Variants in C8orf34 observed in about 807,000 individuals in gnomAD.
The protein encoded by C8orf34 is chromosome 8 open reading frame 34.
Under a neutral mutation model 68.3 loss-of-function variants are expected in C8orf34, and 65 were observed. The observed-to-expected ratio is 0.95, with a 90% CI of 0.78 to 1.17. C8orf34 has a LOEUF of 1.17. Ranked by LOEUF, C8orf34 falls within the 50% of genes most tolerant of loss-of-function variation. The probability of loss-of-function intolerance (pLI) is 0.00; values close to 1 mark genes in which losing one functional copy is unlikely to be tolerated. For missense variants in C8orf34, 664 were observed against 655.4 expected, an observed-to-expected ratio of 1.01 and a Z score of -0.14; for synonymous variants, 244 against 241.2, an observed-to-expected ratio of 1.01 and a Z score of -0.11.
rs543111554 is a variant in C8orf34 at position 68,779,463 on chromosome 8, T to C, written c.1455+3014T>C. On this transcript the variant is annotated intron_variant, in intron 11 of 13. Transcript: ENST00000518698. ...AACATACATGGGAGTGCGAACTTAC[T>C]GGCAGTGTGGCAGCTTCACAATCTC... is the stretch of plus-strand genomic sequence containing the variant. Among the ~76,000 whole-genome samples, 4 of 152,294 alleles carry C rather than the reference T, an allele frequency of 2.6e-5. No homozygotes were observed. The South Asian group carries it at 8.3e-4, about 32-fold the overall frequency.
chr8:68,799,217 A>G (rs1171140325), intron 12 of C8orf34, among the ~76,000 whole-genome samples: 1 of 152,202 alleles, frequency 6.6e-6, no homozygotes, highest in Non-Finnish European at 1.5e-5. Context: ...ATTTTATTAA[A>G]CACTTTTTAT....
intron 7 of C8orf34, among the ~76,000 whole-genome samples, chr8:68,626,285 C>A (rs1482468550): frequency 1.3e-5 from 2 of 152,086 alleles, no homozygotes; most frequent in Non-Finnish European, 2.9e-5. Context: ...AGATGTTCAC[C>A]ATCCAAATCT....
At chr8:68,716,603 T>C (rs1257208417) in intron 9 of C8orf34, among the ~76,000 whole-genome samples, 1 of 152,088 alleles carries the variant, frequency 6.6e-6, no homozygotes, top group African/African-American at 2.4e-5. Context: ...TTTTTTCTTT[T>C]ACAACCTTTT....
At chr8:68,434,485 A>G (rs762309690) in intron 1 of C8orf34, among the ~76,000 whole-genome samples, 38 of 152,078 alleles carry the variant, frequency 2.5e-4, no homozygotes, top group Non-Finnish European at 3.4e-4. Flanking sequence ...ATGAACTCAT[A>G]CTATTTTATG....
chr8:68,766,117 T>C (rs1275419832), intron 10 of C8orf34, among the ~76,000 whole-genome samples: 2 of 152,234 alleles, frequency 1.3e-5, no homozygotes, highest in East Asian at 3.8e-4. Context: ...GAGAAATTCC[T>C]AGTAATACCG....
intron 7 of C8orf34, among the ~76,000 whole-genome samples, chr8:68,610,228 A>G (rs770841666): frequency 3.9e-5 from 6 of 152,204 alleles, no homozygotes; most frequent in Non-Finnish European, 8.8e-5. Context: ...GAGCTCTGGA[A>G]GAGCGGATGC....
chr8:68,784,143 G>T (rs1341940383), intron 11 of C8orf34, among the ~76,000 whole-genome samples: 6 of 152,048 alleles, frequency 3.9e-5, no homozygotes, highest in African/African-American at 1.4e-4. Flanking sequence ...TTTAGTCATT[G>T]TGTCTCCTTA....
At chr8:68,357,965 C>A (rs1378718773) in intron 1 of C8orf34, among the ~76,000 whole-genome samples, 1 of 152,080 alleles carries the variant, frequency 6.6e-6, no homozygotes, top group African/African-American at 2.4e-5. Flanking sequence ...GCATTTATAC[C>A]CCCATTCTTT....
chr8:68,416,419 C>T (rs1466888363), intron 1 of C8orf34, among the ~76,000 whole-genome samples: 2 of 152,016 alleles, frequency 1.3e-5, no homozygotes, highest in Non-Finnish European at 2.9e-5. Context: ...ATTCATATTC[C>T]AAGATCCTGG....
intron 1 of C8orf34, among the ~76,000 whole-genome samples, chr8:68,342,617 A>G: frequency 6.6e-6 from 1 of 152,182 alleles, no homozygotes; most frequent in Non-Finnish European, 1.5e-5. Flanking sequence ...TCTGAGTAGC[A>G]TTGTTAAGTC....
chr8:68,427,922 A>C (rs1023900996), intron 1 of C8orf34, among the ~76,000 whole-genome samples: 1 of 146,930 alleles, frequency 6.8e-6, no homozygotes, highest in Non-Finnish European at 1.5e-5. Flanking sequence ...CAAAATAAGA[A>C]AGATTATTTC....
intron 10 of C8orf34, among the ~76,000 whole-genome samples, chr8:68,729,848 G>A (rs1336272331): frequency 6.6e-6 from 1 of 152,004 alleles, no homozygotes; most frequent in Non-Finnish European, 1.5e-5. Flanking sequence ...GAAACATTTT[G>A]TCTGTTTCAT....
chr8:68,696,893 T>C (rs1433188209), intron 8 of C8orf34, among the ~76,000 whole-genome samples: 4 of 152,058 alleles, frequency 2.6e-5, no homozygotes, highest in Non-Finnish European at 4.4e-5. Context: ...ATTTAATCTC[T>C]TTTCCCCTCT....
intron 1 of C8orf34, among the ~76,000 whole-genome samples, chr8:68,429,047 G>A (rs193064692): frequency 1.3e-5 from 2 of 152,100 alleles, no homozygotes; most frequent in East Asian, 1.9e-4. Context: ...TTAAAAAATA[G>A]GACCCAAAAG....
At chr8:68,477,851 A>G (rs1441868392) in intron 4 of C8orf34, among the ~76,000 whole-genome samples, 2 of 152,154 alleles carry the variant, frequency 1.3e-5, no homozygotes, top group Non-Finnish European at 2.9e-5. Flanking sequence ...CTCTGAAGCA[A>G]CAGCCTTTGG....
chr8:68,532,800 A>G (rs1334852457), intron 6 of C8orf34, among the ~76,000 whole-genome samples, 183 bp from the exon 7 acceptor site: 2 of 152,076 alleles, frequency 1.3e-5, no homozygotes, highest in East Asian at 1.9e-4. Context: ...GTTTCCCCAT[A>G]CTCACTTGGG....
intron 7 of C8orf34, among the ~76,000 whole-genome samples, chr8:68,614,466 A>G (rs1394531754): frequency 2.6e-5 from 4 of 152,084 alleles, no homozygotes. Flanking sequence ...TAATTTTTGT[A>G]TAAGGTATAA....
intron 5 of C8orf34, among the ~76,000 whole-genome samples, chr8:68,497,578 T>A (rs1199518610): frequency 6.6e-6 from 1 of 152,228 alleles, no homozygotes; most frequent in Non-Finnish European, 1.5e-5. Flanking sequence ...CTTGTCATAC[T>A]ATTTTAATAA....
chr8:68,776,925 T>C (rs1823535954), intron 11 of C8orf34, among the ~76,000 whole-genome samples: 1 of 152,228 alleles, frequency 6.6e-6, no homozygotes, highest in Non-Finnish European at 1.5e-5. Flanking sequence ...AGATTTCACT[T>C]GGAAACTTTT....
Sources: gnomAD v4.1 joint callset for allele counts (sites outside exome capture counted in the v4.1 genomes callset) on GRCh38, gnomAD v4.1.1 for gene constraint, MANE v1.5 for transcripts, NCBI Gene and HGNC (gene_info 2026-07-23, HGNC 2026-07-21) for gene names.